NRG1: variants seen among roughly 807,000 people sequenced by gnomAD.
NRG1 encodes neuregulin 1.
A neutral mutation model predicts 63.8 loss-of-function variants in NRG1; 18 were observed. That is an observed-to-expected ratio of 0.28 (90% CI 0.19 to 0.42). The LOEUF (loss-of-function observed/expected upper bound fraction) is 0.42. Ranked by LOEUF, NRG1 falls within the 10% of genes least tolerant of loss-of-function variation. The pLI, the probability that NRG1 is intolerant of heterozygous loss-of-function variation, is 1.00. For missense variants in NRG1, 762 were observed against 814.7 expected (o/e 0.94, Z 0.79); for synonymous variants, 302 against 301.3 (o/e 1.00, Z -0.02).
chr8:32,649,237 G>A (rs1389200339), intron 5 of NRG1, among the ~76,000 whole-genome samples: 1 of 145,114 alleles, frequency 6.9e-6, no homozygotes, highest in Non-Finnish European at 1.5e-5. Flanking sequence ...AACCTGTGAT[G>A]TGCAGAGAGC....
chr8:32,605,762 T>C, intron 3 of NRG1, 79 bp downstream of exon 3: 1 of 1,482,718 alleles, frequency 6.7e-7, no homozygotes, highest in Non-Finnish European at 9.2e-7. Flanking sequence ...CATAATAGAC[T>C]GGTGTGTTAA....
chr8:31,819,950 T>C (rs1264944088), intron 1 of NRG1, among the ~76,000 whole-genome samples: 1 of 152,232 alleles, frequency 6.6e-6, no homozygotes, highest in Admixed American at 6.5e-5. Context: ...AAGTTTCTCA[T>C]CTTTACATTC....
rs374728337 is a variant in NRG1, at chr8:31,895,127, T to C, written c.37+255696T>C. ...CTAAAATAACAGTAAGGTGCATTTA[T>C]ACAAAGGAAGAAATGAGAGATTAAG... On this transcript the variant is annotated intron_variant, in intron 1 of 10. Coordinates refer to the NRG1 transcript ENST00000519301. Among the ~76,000 whole-genome samples the C allele has an allele frequency of 5.3e-5, 8 of 152,234 alleles. No homozygotes were observed. In the East Asian group the frequency reaches 1.2e-3, roughly 22 times the overall value.
chr8:32,402,172 C>T (rs1193373278), intron 1 of NRG1, among the ~76,000 whole-genome samples: 3 of 152,158 alleles, frequency 2.0e-5, no homozygotes, highest in East Asian at 1.9e-4. Flanking sequence ...CTCGGCCTCC[C>T]GAAGTGCTGG....
At chr8:32,191,612 A>G (rs1842504658) in intron 1 of NRG1, among the ~76,000 whole-genome samples, 1 of 152,202 alleles carries the variant, frequency 6.6e-6, no homozygotes, top group Non-Finnish European at 1.5e-5. Context: ...TATGTGATCA[A>G]CCTGTTTGGA....
At chr8:32,262,367 C>A (rs1428520476) in intron 1 of NRG1, among the ~76,000 whole-genome samples, 1 of 152,098 alleles carries the variant, frequency 6.6e-6, no homozygotes, top group African/African-American at 2.4e-5. Context: ...TTTGCATTTG[C>A]AGAATCAGGA....
chr8:32,473,909 C>T (rs554848860), intron 1 of NRG1, among the ~76,000 whole-genome samples: 3 of 152,154 alleles, frequency 2.0e-5, no homozygotes, highest in East Asian at 3.9e-4. Context: ...TGGTCTTGAA[C>T]CCTGGCCTCA....
chr8:32,346,911 G>A (rs971938683), intron 1 of NRG1, among the ~76,000 whole-genome samples: 8 of 151,342 alleles, frequency 5.3e-5, no homozygotes, highest in African/African-American at 1.9e-4. Flanking sequence ...CTCACTGCAA[G>A]CTCCACCTTC....
exon 12 of NRG1, chr8:32,765,590 T>C (rs1457381885): frequency 6.6e-6 from 1 of 152,232 alleles, no homozygotes; most frequent in Non-Finnish European, 1.5e-5. Context: ...TATCTTTCCA[T>C]GTTGCCTTGA....
intron 1 of NRG1, among the ~76,000 whole-genome samples, chr8:32,053,795 T>C (rs1433876706): frequency 6.6e-6 from 1 of 152,168 alleles, no homozygotes; most frequent in Non-Finnish European, 1.5e-5. Context: ...AAGCAGGAAT[T>C]TTTTTCCCCA....
chr8:32,665,203 T>C (rs1803830812), intron 5 of NRG1, among the ~76,000 whole-genome samples: 2 of 152,214 alleles, frequency 1.3e-5, no homozygotes, highest in Admixed American at 6.5e-5. Flanking sequence ...AAATTTCATA[T>C]TGAATTTATA....
chr8:31,957,397 C>G (rs1420509100), intron 1 of NRG1, among the ~76,000 whole-genome samples: 1 of 152,080 alleles, frequency 6.6e-6, no homozygotes, highest in Non-Finnish European at 1.5e-5. Flanking sequence ...GAGTCCCATT[C>G]TCTTTCTTTC....
intron 1 of NRG1, among the ~76,000 whole-genome samples, chr8:32,130,602 T>C (rs761900414): frequency 6.6e-6 from 1 of 151,886 alleles, no homozygotes; most frequent in Non-Finnish European, 1.5e-5. Flanking sequence ...ATCTTTCAGA[T>C]TGGTGGGCGT....
chr8:32,620,949 A>G (rs1848234798), intron 5 of NRG1, among the ~76,000 whole-genome samples: 1 of 152,200 alleles, frequency 6.6e-6, no homozygotes, highest in African/African-American at 2.4e-5. Flanking sequence ...ATGTTTTTAA[A>G]TAGTAATCAG....
intron 1 of NRG1, among the ~76,000 whole-genome samples, chr8:32,158,054 G>A (rs534132907): frequency 6.6e-6 from 1 of 152,296 alleles, no homozygotes; most frequent in African/African-American, 2.4e-5. Context: ...CATTTGCCCA[G>A]AGAGAGGCCT....
At chr8:31,949,413 A>C (rs371954338) in intron 1 of NRG1, among the ~76,000 whole-genome samples, 33 of 152,154 alleles carry the variant, frequency 2.2e-4, no homozygotes, top group African/African-American at 8.0e-4. Context: ...CCATTCAGTT[A>C]GGCTTCTGCC....
At chr8:32,665,852 T>C (rs1248843954) in intron 5 of NRG1, among the ~76,000 whole-genome samples, 1 of 152,220 alleles carries the variant, frequency 6.6e-6, no homozygotes, top group East Asian at 1.9e-4. Context: ...AGAATCTGAA[T>C]TTTAAAAGTA....
upstream of NRG1, among the ~76,000 whole-genome samples, chr8:32,547,114 A>G (rs1306985998): frequency 6.6e-6 from 1 of 152,198 alleles, no homozygotes; most frequent in Non-Finnish European, 1.5e-5. Context: ...TAAGTTAACC[A>G]CAGCTGTGGT....
At chr8:31,805,721 G>A (rs1024335242) in intron 1 of NRG1, among the ~76,000 whole-genome samples, 4 of 151,390 alleles carry the variant, frequency 2.6e-5, no homozygotes, top group South Asian at 2.1e-4. Flanking sequence ...CCAGCCACTC[G>A]GGAGTCTGAG....
Sources: gnomAD v4.1 joint callset for allele counts (sites outside exome capture counted in the v4.1 genomes callset) on GRCh38, gnomAD v4.1.1 for gene constraint, MANE v1.5 for transcripts, NCBI Gene and HGNC (gene_info 2026-07-23, HGNC 2026-07-21) for gene names.